THSD7B: variants seen among roughly 807,000 people sequenced by gnomAD.
THSD7B encodes the protein thrombospondin type 1 domain containing 7B.
THSD7B carries 138 observed loss-of-function variants against 213.6 expected under a neutral mutation model. The ratio of observed to expected loss-of-function variants is 0.65; its 90% CI spans 0.56 to 0.74. THSD7B has a LOEUF of 0.74. Among genes scored for constraint, THSD7B ranks in the 30% least tolerant of loss-of-function variants. The probability of loss-of-function intolerance (pLI) is 0.00; values close to 1 mark genes in which losing one functional copy is unlikely to be tolerated. For missense variants in THSD7B, 1,931 were observed against 1,991.5 expected (o/e 0.97, Z 0.58); for synonymous variants, 742 against 687.0 (o/e 1.08, Z -1.25).
Position 137,111,848 on chromosome 2 carries a change from A to G in THSD7B, c.1200-3276A>G, listed in dbSNP as rs73958339. ...TCTACTTGAGGCATTTCCATAGCCA[A>G]TTTCGAAGTTTCATCTCAGAGGAGG... On this transcript the variant is annotated intron_variant, in intron 4 of 27. Transcript: ENST00000409968. Among the ~76,000 whole-genome samples the G allele has an allele frequency of 4.2e-3, 642 of 152,254 alleles. 3 individuals carry two copies. The highest frequency in any genetic ancestry group is 0.015 in the African/African-American group (616 of 41,534).
chr2:137,316,509 C>G (rs1413844076), intron 12 of THSD7B, among the ~76,000 whole-genome samples: 1 of 152,140 alleles, frequency 6.6e-6, no homozygotes, highest in Admixed American at 6.5e-5. Flanking sequence ...GGCGTGGTGG[C>G]TCACGCCTGT....
intron 2 of THSD7B, among the ~76,000 whole-genome samples, chr2:136,938,532 T>C (rs1684769350): frequency 6.6e-6 from 1 of 152,198 alleles, no homozygotes; most frequent in African/African-American, 2.4e-5. Flanking sequence ...TATTTTTTCA[T>C]TTGCCTGGCT....
intron 2 of THSD7B, among the ~76,000 whole-genome samples, chr2:136,988,114 T>C (rs1213607714): frequency 1.3e-5 from 2 of 152,184 alleles, no homozygotes; most frequent in Non-Finnish European, 2.9e-5. Context: ...TATGGCCGTC[T>C]CCCCAGTGAG....
In THSD7B at chr2:137,544,494, C is replaced by T. The variant is rs72981459; in HGVS notation, c.3139-18727C>T. On this transcript the variant is annotated intron_variant, in intron 15 of 27. Transcript: ENST00000409968. ...CTAATGAGTATGGTTTTTCTTTTAG[C>T]GATGAGGAAATATTCTAGAATTACA... Among the ~76,000 whole-genome samples, 23 of 151,614 alleles carry T rather than the reference C, an allele frequency of 1.5e-4. No individual in the cohort carries two copies. In the East Asian group the frequency reaches 1.6e-3, roughly 10 times the overall value.
chr2:137,409,131 A>C (rs1686593668), intron 13 of THSD7B, among the ~76,000 whole-genome samples: 1 of 152,194 alleles, frequency 6.6e-6, no homozygotes, highest in African/African-American at 2.4e-5. Context: ...ATGGTAAGCC[A>C]CTTCAGAGTT....
chr2:137,072,259 T>G (rs1483060303), intron 3 of THSD7B, among the ~76,000 whole-genome samples: 23 of 152,212 alleles, frequency 1.5e-4, no homozygotes, highest in African/African-American at 2.4e-5. Context: ...TTCTTCCGTT[T>G]CTTTGTATCC....
At chr2:137,593,251 G>C (rs1681899026) in intron 17 of THSD7B, among the ~76,000 whole-genome samples, 1 of 151,926 alleles carries the variant, frequency 6.6e-6, no homozygotes, top group Non-Finnish European at 1.5e-5. Flanking sequence ...GGTATTTTGT[G>C]AATATCTGCA....
intron 9 of THSD7B, among the ~76,000 whole-genome samples, chr2:137,238,564 T>TTTTTTTTTTTC (rs1553481982): frequency 2.4e-5 from 2 of 83,408 alleles, no homozygotes; most frequent in Non-Finnish European, 5.1e-5. Flanking sequence ...TTTTTTTTTT[T>TTTTTTTTTTTC]GAGACGGAGT....
intron 17 of THSD7B, among the ~76,000 whole-genome samples, chr2:137,582,760 TC>T (rs1270801266): frequency 1.3e-5 from 2 of 152,166 alleles, no homozygotes; most frequent in Non-Finnish European, 2.9e-5. Context: ...TTGGGTTGGT[TC>T]CAAGTCTTTG....
chr2:137,471,306 C>T (rs1487449029), intron 15 of THSD7B, among the ~76,000 whole-genome samples: 1 of 152,130 alleles, frequency 6.6e-6, no homozygotes, highest in Non-Finnish European at 1.5e-5. Flanking sequence ...AAATACACAT[C>T]CACATTTCAT....
At chr2:137,617,795 C>T (rs1479551898) in intron 18 of THSD7B, among the ~76,000 whole-genome samples, 1 of 152,188 alleles carries the variant, frequency 6.6e-6, no homozygotes, top group Admixed American at 6.5e-5. Context: ...TGAGGAGGGC[C>T]TGTATCTCTA....
At chr2:137,502,937 C>G (rs1243199587) in intron 15 of THSD7B, among the ~76,000 whole-genome samples, 1 of 152,088 alleles carries the variant, frequency 6.6e-6, no homozygotes, top group African/African-American at 2.4e-5. Context: ...AGTCCATTCA[C>G]TCTGTAATTT....
chr2:137,296,882 A>G (rs771725148), intron 12 of THSD7B, among the ~76,000 whole-genome samples: 4 of 151,900 alleles, frequency 2.6e-5, no homozygotes, highest in Middle Eastern at 3.2e-3. Flanking sequence ...TGATTAGTCC[A>G]TTGTGATACA....
chr2:136,938,540 GC>G (rs1684769430), intron 2 of THSD7B, among the ~76,000 whole-genome samples: 1 of 150,868 alleles, frequency 6.6e-6, no homozygotes, highest in Non-Finnish European at 1.5e-5. Context: ...CATTTGCCTG[GC>G]TTTTTTTCAG....
chr2:137,671,228 T>C (rs942687470), intron 27 of THSD7B, among the ~76,000 whole-genome samples: 21 of 121,546 alleles, frequency 1.7e-4, no homozygotes, highest in Admixed American at 1.0e-3. Flanking sequence ...TGTATATTTA[T>C]GATTTGCTTT....
At chr2:137,493,750 TC>T (rs113920628) in intron 15 of THSD7B, among the ~76,000 whole-genome samples, 2,186 of 152,280 alleles carry the variant, frequency 0.014, 55 homozygotes, top group African/African-American at 0.048. Flanking sequence ...AAATGTGTTA[TC>T]CCCTGCTCCT....
At position 136,859,710 on chromosome 2, in the gene THSD7B, G is replaced by A. The variant is rs16837155; in HGVS notation, c.-35-22434G>A. ...GGTCAAGCATACTTGGCCACAGTGC[G>A]TTTTTATGTTCATCAGAAACAGCAT... is the stretch of plus-strand genomic sequence containing the variant. On this transcript the variant is annotated intron_variant, in intron 1 of 27. Transcript: ENST00000409968. Among the ~76,000 whole-genome samples the A allele has an allele frequency of 4.8e-3, 730 of 152,244 alleles. 13 individuals are homozygous for A. The South Asian group carries it at 0.07, about 15-fold the overall frequency.
rs188853857 is a variant in THSD7B, at chr2:137,043,226, C to T, written c.140-13194C>T. 7.1e-3 allele frequency among the ~76,000 whole-genome samples: 1,082 copies of T among 152,294 alleles called. 3 individuals are homozygous for T. Among genetic ancestry groups the T allele is most frequent in the Non-Finnish European group, 0.012 (812 of 68,032 alleles). ...TTACTTTGATTATTTACTTTGAGCCCTTCCTACCGCCAGGGTCCCCAATTA... is the reference window on the plus strand; with the variant it reads ...TTACTTTGATTATTTACTTTGAGCCTTTCCTACCGCCAGGGTCCCCAATTA... On this transcript the variant is annotated intron_variant, in intron 2 of 27. Coordinates refer to ENST00000409968, the MANE Select transcript of THSD7B (RefSeq NM_001316349.2).
intron 10 of THSD7B, among the ~76,000 whole-genome samples, chr2:137,262,284 A>G (rs1682469790): frequency 6.6e-6 from 1 of 152,140 alleles, no homozygotes; most frequent in Non-Finnish European, 1.5e-5. Context: ...TTTTCAGCTT[A>G]TATCTTAGAT....
Sources: allele counts gnomAD v4.1 joint callset (sites outside exome capture counted in the v4.1 genomes callset), GRCh38; gene constraint gnomAD v4.1.1; transcripts MANE v1.5; gene names NCBI Gene and HGNC (gene_info 2026-07-23, HGNC 2026-07-21).